Variants in DCC observed in about 807,000 individuals in gnomAD.
DCC encodes netrin receptor DCC.
In DCC, 58 loss-of-function variants were observed where a neutral mutation model predicts 172.5. The ratio of observed to expected loss-of-function variants is 0.34; its 90% CI spans 0.27 to 0.42. The LOEUF (loss-of-function observed/expected upper bound fraction) is 0.42. Ranked by LOEUF, DCC falls within the 10% of genes least tolerant of loss-of-function variation. DCC has a pLI of 1.00. For synonymous variants in DCC, 709 were observed against 644.5 expected, an observed-to-expected ratio of 1.10 and a Z score of -1.52; for missense variants, 1,740 against 1,791.0, an observed-to-expected ratio of 0.97 and a Z score of 0.51.
At chr18:53,388,989 G>A (rs1486210773) in intron 16 of DCC, among the ~76,000 whole-genome samples, 1 of 152,016 alleles carries the variant, frequency 6.6e-6, no homozygotes, top group African/African-American at 2.4e-5. Context: ...TTGCTATGTT[G>A]CCCAGGCTGG....
chr18:52,685,990 T>C (rs928840025), intron 1 of DCC, among the ~76,000 whole-genome samples: 2 of 152,128 alleles, frequency 1.3e-5, no homozygotes, highest in African/African-American at 2.4e-5. Flanking sequence ...AACATCAATA[T>C]TGAAGACAAT....
At chr18:52,510,339 G>A (rs1415488449) in intron 1 of DCC, among the ~76,000 whole-genome samples, 8 of 152,096 alleles carry the variant, frequency 5.3e-5, no homozygotes, top group Non-Finnish European at 7.4e-5. Context: ...TTCCAGCTGC[G>A]GGCTCAGGTC....
chr18:53,255,171 C>T (rs1194712928), intron 12 of DCC, among the ~76,000 whole-genome samples: 1 of 151,782 alleles, frequency 6.6e-6, no homozygotes, highest in Admixed American at 6.6e-5. Context: ...CTTTCGGGCC[C>T]TTCTGTCCAC....
chr18:52,368,131 T>G (rs1435570789), intron 1 of DCC, among the ~76,000 whole-genome samples: 1 of 152,254 alleles, frequency 6.6e-6, no homozygotes, highest in Non-Finnish European at 1.5e-5. Flanking sequence ...TGATCACTTG[T>G]GCAGCTGTAC....
chr18:53,213,001 C>G (rs1351217975), intron 11 of DCC, among the ~76,000 whole-genome samples: 3 of 152,032 alleles, frequency 2.0e-5, no homozygotes, highest in Non-Finnish European at 4.4e-5. Context: ...CAGAAAACAG[C>G]CCTGATGCTT....
At chr18:53,368,876 G>A (rs923476874) in intron 15 of DCC, among the ~76,000 whole-genome samples, 6 of 151,898 alleles carry the variant, frequency 4.0e-5, no homozygotes, top group East Asian at 3.9e-4. Flanking sequence ...AAAAGTATGC[G>A]TCTTCCCCTT....
intron 1 of DCC, among the ~76,000 whole-genome samples, chr18:52,483,295 T>C (rs1412363137): frequency 6.6e-6 from 1 of 152,142 alleles, no homozygotes; most frequent in Non-Finnish European, 1.5e-5. Context: ...GGTGGACATA[T>C]CTGTTGGAGG....
At chr18:53,484,046 T>C (rs1482278074) in intron 25 of DCC, among the ~76,000 whole-genome samples, 1 of 151,886 alleles carries the variant, frequency 6.6e-6, no homozygotes, top group African/African-American at 2.4e-5. Flanking sequence ...GAATGAGTAC[T>C]ATAACAATGA....
At chr18:53,025,521 A>G (rs990271672) in intron 5 of DCC, among the ~76,000 whole-genome samples, 1 of 152,108 alleles carries the variant, frequency 6.6e-6, no homozygotes, top group Non-Finnish European at 1.5e-5. Context: ...ATAAGATTCA[A>G]CTGTGATATG....
chr18:52,375,840 G>C (rs909384935), intron 1 of DCC, among the ~76,000 whole-genome samples: 1 of 152,158 alleles, frequency 6.6e-6, no homozygotes, highest in African/African-American at 2.4e-5. Flanking sequence ...GGGAGTACCA[G>C]GTCAGATCCT....
chr18:53,227,239 T>G (rs57841322), intron 12 of DCC, among the ~76,000 whole-genome samples: 2 of 151,514 alleles, frequency 1.3e-5, no homozygotes, highest in African/African-American at 4.9e-5. Flanking sequence ...AGCCACCATG[T>G]CTGGCCAATC....
intron 12 of DCC, among the ~76,000 whole-genome samples, chr18:53,279,708 G>A (rs1286634332): frequency 6.7e-6 from 1 of 149,626 alleles, no homozygotes; most frequent in Non-Finnish European, 1.5e-5. Flanking sequence ...TGGTAAACTG[G>A]ACAAAGAAAA....
intron 8 of DCC, among the ~76,000 whole-genome samples, chr18:53,175,354 A>G (rs376324287): frequency 4.6e-5 from 7 of 151,974 alleles, no homozygotes; most frequent in Non-Finnish European, 7.4e-5. Flanking sequence ...AGGAAATAAA[A>G]GGTATTCAGT....
At chr18:53,353,203 G>C (rs867755669) in intron 15 of DCC, among the ~76,000 whole-genome samples, 9 of 151,370 alleles carry the variant, frequency 5.9e-5, no homozygotes, top group Non-Finnish European at 1.2e-4. Flanking sequence ...TGAACCCAGA[G>C]GCAGAGGTTG....
chr18:53,192,197 C>T (rs761450789), intron 9 of DCC, among the ~76,000 whole-genome samples: 1 of 152,040 alleles, frequency 6.6e-6, no homozygotes, highest in Non-Finnish European at 1.5e-5. Context: ...TGTGGAAGGG[C>T]GTTAAAGGTG....
rs958334839 is a variant in DCC at position 52,342,549 on chromosome 18, G to T, written c.91+1671G>T. ...ACCCTCAAATGCTAGAGGCTGCGGG[G>T]AGGAGGACCCTCCTTCTGCCCAGAA... is the stretch of plus-strand genomic sequence containing the variant. On this transcript the variant is annotated intron_variant, in intron 1 of 28. Coordinates refer to ENST00000442544, the MANE Select transcript of DCC (RefSeq NM_005215.4). Among the ~76,000 whole-genome samples, 17 of 152,312 alleles carry T rather than the reference G, an allele frequency of 1.1e-4. 1 individual carries two copies. The highest frequency in any genetic ancestry group is 3.6e-4 in the African/African-American group (15 of 41,560).
intron 5 of DCC, among the ~76,000 whole-genome samples, chr18:53,026,457 T>G (rs767709794): frequency 6.6e-6 from 1 of 152,192 alleles, no homozygotes; most frequent in Non-Finnish European, 1.5e-5. Flanking sequence ...CTGGCTTTCC[T>G]TCATTGAATT....
chr18:53,223,850 A>G (rs978945572), intron 12 of DCC, among the ~76,000 whole-genome samples: 4 of 152,204 alleles, frequency 2.6e-5, no homozygotes, highest in African/African-American at 9.6e-5. Context: ...CTAGACACAC[A>G]TTCAATGAAT....
intron 15 of DCC, among the ~76,000 whole-genome samples, chr18:53,382,575 ATTTTACAT>A (rs1907842762): frequency 6.6e-6 from 1 of 152,030 alleles, no homozygotes. Context: ...TTATTGTTTA[ATTTTACAT>A]AGTCTTTCAT....
Sources: allele counts gnomAD v4.1 joint callset (sites outside exome capture counted in the v4.1 genomes callset), GRCh38; gene constraint gnomAD v4.1.1; transcripts MANE v1.5; gene names NCBI Gene and HGNC (gene_info 2026-07-23, HGNC 2026-07-21).